The following KCNJ6 variants were observed in gnomAD, a reference collection of about 807,000 sequenced individuals.
The protein encoded by KCNJ6 is potassium inwardly rectifying channel subfamily J member 6.
In KCNJ6, 9 loss-of-function variants were observed where a neutral mutation model predicts 34.2. That is an observed-to-expected ratio of 0.26 (90% CI 0.16 to 0.46). KCNJ6 has a LOEUF of 0.46. Ranked by LOEUF, KCNJ6 falls within the 20% of genes least tolerant of loss-of-function variation. The pLI, the probability that KCNJ6 is intolerant of heterozygous loss-of-function variation, is 1.00. For missense variants in KCNJ6, 236 were observed against 531.3 expected (o/e 0.44, Z 5.46); for synonymous variants, 196 against 207.1 (o/e 0.95, Z 0.46).
intron 2 of KCNJ6, among the ~76,000 whole-genome samples, chr21:37,727,990 A>G (rs2054864181): frequency 6.6e-6 from 1 of 152,230 alleles, no homozygotes; most frequent in Non-Finnish European, 1.5e-5. Flanking sequence ...TATATAAATG[A>G]GTATTTGTAT....
chr21:37,713,099 G>T (rs1417297773), intron 3 of KCNJ6, among the ~76,000 whole-genome samples: 1 of 152,136 alleles, frequency 6.6e-6, no homozygotes, highest in Non-Finnish European at 1.5e-5. Context: ...GTGAGAGGTT[G>T]TGACCTTGCC....
chr21:37,735,748 G>A (rs1355631729), intron 2 of KCNJ6, among the ~76,000 whole-genome samples: 2 of 152,212 alleles, frequency 1.3e-5, no homozygotes, highest in Non-Finnish European at 2.9e-5. Flanking sequence ...ATGAGGCCTG[G>A]AGCAGCCACT....
intron 3 of KCNJ6, among the ~76,000 whole-genome samples, chr21:37,674,442 C>T (rs73203821): frequency 0.28 from 42,715 of 151,792 alleles, 6,736 homozygotes; most frequent in Non-Finnish European, 0.35. Flanking sequence ...GAGCAAAAGC[C>T]ACACAAAGCT....
At chr21:37,640,656 T>C (rs997016923) in intron 3 of KCNJ6, among the ~76,000 whole-genome samples, 2 of 152,254 alleles carry the variant, frequency 1.3e-5, no homozygotes, top group Admixed American at 1.3e-4. Context: ...TGGCTTCCTA[T>C]TGATGTCAGG....
chr21:37,831,116 A>G (rs979237672), intron 2 of KCNJ6, among the ~76,000 whole-genome samples: 4 of 152,334 alleles, frequency 2.6e-5, no homozygotes, highest in Non-Finnish European at 4.4e-5. Context: ...TGTCAGCCTC[A>G]GAGGTAGGTA....
In KCNJ6 at chr21:37,631,919, C is replaced by T. The variant is rs187534583; in HGVS notation, c.947-6435G>A. ...TGAGAGAGAGCCTGTCTTTTTGGAC[C>T]GAGTATTGGGAAAGGGGAATTCCAG... On this transcript the variant is annotated intron_variant, in intron 3 of 3. Coordinates refer to ENST00000609713, the MANE Select transcript of KCNJ6 (RefSeq NM_002240.5). Among the ~76,000 whole-genome samples, 549 of 152,134 alleles carry T rather than the reference C, an allele frequency of 3.6e-3. 11 individuals carry two copies. Among genetic ancestry groups the T allele is most frequent in the Admixed American group, 0.029 (442 of 15,276 alleles).
At chr21:37,865,772 A>G (rs1410178801) in intron 1 of KCNJ6, among the ~76,000 whole-genome samples, 1 of 152,224 alleles carries the variant, frequency 6.6e-6, no homozygotes, top group African/African-American at 2.4e-5. Context: ...CCCCACTCTC[A>G]GTCTTGGACA....
intron 1 of KCNJ6, among the ~76,000 whole-genome samples, chr21:37,863,860 G>GGT (rs2055607827): frequency 4.9e-5 from 4 of 81,078 alleles, no homozygotes; most frequent in Non-Finnish European, 9.1e-5. Flanking sequence ...TTTTTTTTTT[G>GGT]TTTTTTTTTT....
At chr21:37,644,880 T>C (rs1569436303) in intron 3 of KCNJ6, among the ~76,000 whole-genome samples, 2 of 152,084 alleles carry the variant, frequency 1.3e-5, no homozygotes. Context: ...GGCGAAACAA[T>C]AGCCGGACTT....
intron 3 of KCNJ6, among the ~76,000 whole-genome samples, chr21:37,668,853 C>G (rs978973063): frequency 6.6e-6 from 1 of 152,154 alleles, no homozygotes; most frequent in African/African-American, 2.4e-5. Context: ...AATATTTTAT[C>G]CCAAAATAGG....
rs558737956 is a variant in KCNJ6 at position 37,698,372 on chromosome 21, C to T, written c.946+15839G>A. On this transcript the variant is annotated intron_variant, in intron 3 of 3. Transcript: ENST00000609713. ...ATCCTGGCAGTGATGATGCGGTGCC[C>T]ACTCGAAGAGCGGTTCTGGCTGGGA... Among the ~76,000 whole-genome samples the T allele has an allele frequency of 1.1e-4, 17 of 152,356 alleles. No homozygotes were observed. In the South Asian group the frequency reaches 3.5e-3, roughly 32 times the overall value.
At chr21:37,643,607 C>A (rs2054391096) in intron 3 of KCNJ6, among the ~76,000 whole-genome samples, 1 of 152,194 alleles carries the variant, frequency 6.6e-6, no homozygotes, top group South Asian at 2.1e-4. Flanking sequence ...TGTTTGCAAA[C>A]AAGCTCTGGA....
intron 2 of KCNJ6, among the ~76,000 whole-genome samples, chr21:37,769,948 T>C (rs2055109829): frequency 6.6e-6 from 1 of 152,184 alleles, no homozygotes; most frequent in South Asian, 2.1e-4. Context: ...ATCAGATAAT[T>C]GAACCTACTG....
rs141416451 is a variant in KCNJ6 at position 37,779,514 on chromosome 21, C to T, written c.25+61144G>A. On this transcript the variant is annotated intron_variant, in intron 2 of 3. Coordinates refer to ENST00000609713, the MANE Select transcript of KCNJ6 (RefSeq NM_002240.5). Reference sequence around the variant, plus strand: ...TTGCATCCATCCATAGACCCCATTGCACTTCTAGGAAGCAAATTTTCTCTG... The same window carrying T: ...TTGCATCCATCCATAGACCCCATTGTACTTCTAGGAAGCAAATTTTCTCTG... Among the ~76,000 whole-genome samples, 491 of 152,232 alleles carry T rather than the reference C, an allele frequency of 3.2e-3. 3 individuals carry two copies. Among genetic ancestry groups the T allele is most frequent in the African/African-American group, 0.011 (456 of 41,502 alleles).
intron 2 of KCNJ6, among the ~76,000 whole-genome samples, chr21:37,721,732 T>C (rs1426385817): frequency 3.9e-5 from 6 of 152,318 alleles, no homozygotes; most frequent in African/African-American, 1.4e-4. Flanking sequence ...TGGAAATAGA[T>C]TTCCGCCGGT....
At chr21:37,905,496 C>A (rs950474545) in intron 1 of KCNJ6, among the ~76,000 whole-genome samples, 6 of 152,164 alleles carry the variant, frequency 3.9e-5, no homozygotes, top group Non-Finnish European at 8.8e-5. Context: ...TTGCACCAAC[C>A]TATAGGTGGG....
intron 3 of KCNJ6, among the ~76,000 whole-genome samples, chr21:37,647,606 C>G (rs1332956678): frequency 2.0e-5 from 3 of 152,160 alleles, no homozygotes; most frequent in Non-Finnish European, 2.9e-5. Context: ...TAATCCCCCC[C>G]AGAGTTAGGC....
At chr21:37,628,579 C>A in intron 3 of KCNJ6, among the ~76,000 whole-genome samples, 1 of 152,196 alleles carries the variant, frequency 6.6e-6, no homozygotes, top group African/African-American at 2.4e-5. Context: ...ATAATAGGAG[C>A]TCCAGAAGGA....
At chr21:37,886,241 A>G (rs1201726963) in intron 1 of KCNJ6, among the ~76,000 whole-genome samples, 3 of 152,142 alleles carry the variant, frequency 2.0e-5, no homozygotes, top group Non-Finnish European at 4.4e-5. Context: ...CAGAGCTCCA[A>G]GTTAACCTAA....
Sources: gnomAD v4.1 joint callset for allele counts (sites outside exome capture counted in the v4.1 genomes callset) on GRCh38, gnomAD v4.1.1 for gene constraint, MANE v1.5 for transcripts, NCBI Gene and HGNC (gene_info 2026-07-23, HGNC 2026-07-21) for gene names.